NKAIN3: variants seen among roughly 807,000 people sequenced by gnomAD.
NKAIN3 encodes sodium/potassium-transporting ATPase subunit beta-1-interacting protein 3.
NKAIN3 carries 25 observed loss-of-function variants against 30.2 expected under a neutral mutation model. The observed-to-expected ratio is 0.83, with a 90% CI of 0.60 to 1.16. The LOEUF is 1.16. Ranked by LOEUF, NKAIN3 falls within the 50% of genes most tolerant of loss-of-function variation. NKAIN3 has a pLI of 0.00. For synonymous variants in NKAIN3, 91 were observed against 89.6 expected (o/e 1.02, Z -0.09); for missense variants, 225 against 254.1 (o/e 0.89, Z 0.78).
intron 4 of NKAIN3, among the ~76,000 whole-genome samples, chr8:62,758,036 C>A (rs180874831): frequency 2.9e-4 from 44 of 152,222 alleles, no homozygotes; most frequent in Non-Finnish European, 6.0e-4. Flanking sequence ...CCCCAGAGTG[C>A]CCTGGAAATA....
chr8:62,968,154 C>G lies in NKAIN3; in HGVS notation c.*2747C>G, dbSNP rs12056836. ...AAGTTAGATTGATCTGCCACCTCCTCTTCTCTCTTTTCTTCTCCCTGCCTT... is the reference window on the plus strand; with the variant it reads ...AAGTTAGATTGATCTGCCACCTCCTGTTCTCTCTTTTCTTCTCCCTGCCTT... On this transcript the variant is annotated 3_prime_UTR_variant, in exon 7 of 7. Transcript: ENST00000623646. Among the ~76,000 whole-genome samples, 17,773 of 152,190 alleles carry G rather than the reference C, an allele frequency of 0.12. 1,198 individuals are homozygous for G. The highest frequency in any genetic ancestry group is 0.22 in the East Asian group (1,129 of 5,164).
chr8:62,695,197 G>T (rs948851486), intron 3 of NKAIN3, among the ~76,000 whole-genome samples: 1 of 152,114 alleles, frequency 6.6e-6, no homozygotes, highest in African/African-American at 2.4e-5. Context: ...TTCATGACAT[G>T]TCATTGTGCC....
At chr8:62,300,258 A>G (rs1813998181) in intron 1 of NKAIN3, among the ~76,000 whole-genome samples, 1 of 152,070 alleles carries the variant, frequency 6.6e-6, no homozygotes, top group South Asian at 2.1e-4. Flanking sequence ...ACCTAATCAT[A>G]TTTTTTAATT....
At chr8:62,928,993 G>A (rs1212306619) in intron 5 of NKAIN3, among the ~76,000 whole-genome samples, 1 of 152,158 alleles carries the variant, frequency 6.6e-6, no homozygotes, top group Non-Finnish European at 1.5e-5. Context: ...GCAAACAGAA[G>A]TGCCTCCAGC....
chr8:62,771,837 A>G (rs1002877712), intron 4 of NKAIN3, among the ~76,000 whole-genome samples: 1 of 152,172 alleles, frequency 6.6e-6, no homozygotes, highest in Admixed American at 6.5e-5. Context: ...ATACAGGCAT[A>G]CAATGCATAA....
At chr8:62,859,420 G>A (rs1005569015) in intron 4 of NKAIN3, among the ~76,000 whole-genome samples, 23 of 146,230 alleles carry the variant, frequency 1.6e-4, no homozygotes, top group African/African-American at 5.8e-4. Context: ...GGCCAAGCTT[G>A]TCTGGCTCAT....
In NKAIN3 at chr8:62,877,915, C is replaced by CTGTA. The variant is rs1419920227; in HGVS notation, c.472-40537_472-40534dup. ...ATTAGCCGGGCATGGTGGCACATGCCTGTAATCTCAGCTACTCAGGAGACT... is the reference window on the plus strand; with the variant it reads ...ATTAGCCGGGCATGGTGGCACATGCCTGTATGTAATCTCAGCTACTCAGGAGACT... On this transcript the variant is annotated intron_variant, in intron 4 of 6. Transcript: ENST00000623646. Among the ~76,000 whole-genome samples the CTGTA allele has an allele frequency of 4.6e-5, 7 of 151,958 alleles. No homozygotes were observed. The South Asian group carries it at 1.2e-3, about 27-fold the overall frequency.
chr8:62,489,686 G>A (rs1807010716), intron 1 of NKAIN3, among the ~76,000 whole-genome samples: 1 of 152,134 alleles, frequency 6.6e-6, no homozygotes, highest in African/African-American at 2.4e-5. Context: ...GTATCAATGA[G>A]GAAATCAATA....
At chr8:62,323,883 A>T (rs776620054) in intron 1 of NKAIN3, among the ~76,000 whole-genome samples, 1 of 152,238 alleles carries the variant, frequency 6.6e-6, no homozygotes, top group Non-Finnish European at 1.5e-5. Flanking sequence ...AATTCCAAAT[A>T]TATGACATTC....
intron 3 of NKAIN3, among the ~76,000 whole-genome samples, chr8:62,707,583 T>A (rs1814574776): frequency 6.6e-6 from 1 of 152,150 alleles, no homozygotes; most frequent in South Asian, 2.1e-4. Context: ...TTTGTTTTTT[T>A]CTTACTGATT....
At chr8:62,793,938 G>T (rs1817772012) in intron 4 of NKAIN3, among the ~76,000 whole-genome samples, 2 of 152,100 alleles carry the variant, frequency 1.3e-5, no homozygotes, top group African/African-American at 4.8e-5. Flanking sequence ...ACAGAAAGAT[G>T]CCCTGTTTTA....
chr8:62,892,855 G>A (rs1479281495), intron 4 of NKAIN3, among the ~76,000 whole-genome samples: 4 of 152,096 alleles, frequency 2.6e-5, no homozygotes, highest in Non-Finnish European at 5.9e-5. Flanking sequence ...GCATAAAAGA[G>A]TTAAAAAATG....
intron 1 of NKAIN3, among the ~76,000 whole-genome samples, chr8:62,574,415 T>C (rs1426969005): frequency 6.6e-6 from 1 of 152,152 alleles, no homozygotes; most frequent in Non-Finnish European, 1.5e-5. Flanking sequence ...ATAAGTGAGA[T>C]TGCTGGATCA....
At chr8:62,909,799 A>G (rs1051314565) in intron 4 of NKAIN3, among the ~76,000 whole-genome samples, 2 of 152,160 alleles carry the variant, frequency 1.3e-5, no homozygotes, top group Non-Finnish European at 2.9e-5. Context: ...TAATATAGAG[A>G]TTATGGTTGG....
At chr8:62,849,358 A>G (rs1292444777) in intron 4 of NKAIN3, among the ~76,000 whole-genome samples, 4 of 126,948 alleles carry the variant, frequency 3.2e-5, no homozygotes, top group Non-Finnish European at 4.8e-5. Flanking sequence ...AGAACTCTCT[A>G]TTGGTCTATT....
intron 3 of NKAIN3, among the ~76,000 whole-genome samples, chr8:62,617,592 C>G (rs752622459): frequency 1.3e-5 from 2 of 152,184 alleles, no homozygotes; most frequent in Admixed American, 6.5e-5. Flanking sequence ...TAACATCAGT[C>G]TCCCAAAGAG....
At chr8:62,344,774 A>T (rs1030730055) in intron 1 of NKAIN3, 3 of 371,348 alleles carry the variant, frequency 8.1e-6, no homozygotes, top group African/African-American at 6.4e-5. Flanking sequence ...CCACTGATAA[A>T]ACTAAGAAAT....
At chr8:62,672,677 G>C (rs2130391198) in intron 3 of NKAIN3, among the ~76,000 whole-genome samples, 1 of 152,230 alleles carries the variant, frequency 6.6e-6, no homozygotes, top group South Asian at 2.1e-4. Flanking sequence ...TTGCCTCATT[G>C]TCTCCCCCAT....
At chr8:62,329,395 A>G (rs186240244) in intron 1 of NKAIN3, among the ~76,000 whole-genome samples, 18 of 152,250 alleles carry the variant, frequency 1.2e-4, no homozygotes, top group African/African-American at 4.3e-4. Flanking sequence ...TGTTACATGG[A>G]TAAATTGTGT....
Sources: gnomAD v4.1 joint callset for allele counts (sites outside exome capture counted in the v4.1 genomes callset) on GRCh38, gnomAD v4.1.1 for gene constraint, MANE v1.5 for transcripts, NCBI Gene and HGNC (gene_info 2026-07-23, HGNC 2026-07-21) for gene names.